Variants in N4BP2 observed in about 807,000 individuals in gnomAD.
N4BP2 encodes NEDD4 binding protein 2.
N4BP2 carries 91 observed loss-of-function variants against 152.8 expected under a neutral mutation model. The ratio of observed to expected loss-of-function variants is 0.60; its 90% CI spans 0.50 to 0.71. The LOEUF (loss-of-function observed/expected upper bound fraction) is 0.71. Ranked by LOEUF, N4BP2 falls within the 30% of genes least tolerant of loss-of-function variation. The pLI is 0.00. For synonymous variants in N4BP2, 646 were observed against 705.3 expected (o/e 0.92, Z 1.33); for missense variants, 1,923 against 2,059.1 (o/e 0.93, Z 1.28).
At chr4:40,088,122 T>C (rs1714160797) in intron 2 of N4BP2, among the ~76,000 whole-genome samples, 1 of 152,228 alleles carries the variant, frequency 6.6e-6, no homozygotes, top group Non-Finnish European at 1.5e-5. Context: ...GCATCAGTAA[T>C]ATGTTTTTAT....
At position 40,106,980 on chromosome 4, in the gene N4BP2, A is replaced by G. The variant is rs1431037111; in HGVS notation, c.1454A>G (p.Asp485Gly). 4 of 1,613,612 alleles carry G rather than the reference A, an allele frequency of 2.5e-6. No homozygotes were observed. Among genetic ancestry groups the G allele is most frequent in the East Asian group, 4.5e-5 (2 of 44,852 alleles). Residue 485 changes from aspartate (D) to glycine (G), a missense_variant, in exon 5 of 18, where the codon GAT becomes GGT. Transcript: ENST00000261435. Reference protein sequence around the residue: ...YFYINGQYQFDVKYLGEAHEW... With the variant: ...YFYINGQYQFGVKYLGEAHEW... ...TATATAAATGGACAGTACCAGTTTG[A>G]TGTAAAGTACTTAGGAGAAGCACAT...
chr4:40,077,136 A>AAT (rs537356538), intron 2 of N4BP2, among the ~76,000 whole-genome samples: 9 of 148,950 alleles, frequency 6.0e-5, no homozygotes, highest in African/African-American at 1.5e-4. Flanking sequence ...TATTATGTAG[A>AAT]ATATATATGT....
chr4:40,083,353 GA>G (rs1713596321), intron 2 of N4BP2, among the ~76,000 whole-genome samples: 1 of 152,120 alleles, frequency 6.6e-6, no homozygotes, highest in African/African-American at 2.4e-5. Context: ...TGAGAGATAT[GA>G]AAACATGTCC....
chr4:40,135,817 T>A (rs1410122128), intron 13 of N4BP2, among the ~76,000 whole-genome samples: 1 of 152,230 alleles, frequency 6.6e-6, no homozygotes, highest in Non-Finnish European at 1.5e-5. Context: ...TCCACCTGCC[T>A]CGGCCTCCCA....
At chr4:40,122,473 A>G (rs1455347855) in intron 9 of N4BP2, among the ~76,000 whole-genome samples, 164 bp downstream of exon 9, 1 of 152,176 alleles carries the variant, frequency 6.6e-6, no homozygotes, top group East Asian at 1.9e-4. Flanking sequence ...TCCCAGGTTC[A>G]AGTGATTCTC....
At chr4:40,122,743 T>G (rs1718050927) in intron 9 of N4BP2, among the ~76,000 whole-genome samples, 1 of 152,232 alleles carries the variant, frequency 6.6e-6, no homozygotes, top group Admixed American at 6.5e-5. Context: ...TGGTATTTAC[T>G]TCACACTTAA....
At chr4:40,078,112 A>AGT (rs1560574647) in intron 2 of N4BP2, 2 of 92,698 alleles carry the variant, frequency 2.2e-5, no homozygotes, top group Admixed American at 2.5e-4. Context: ...AATATTTCTA[A>AGT]ATGTGTGTGT....
chr4:40,180,901 C>T, the N4BP2 span, among the ~76,000 whole-genome samples: 678 of 152,308 alleles, frequency 4.5e-3, 3 homozygotes, highest in African/African-American at 0.015. Context: ...CCTGTAATCC[C>T]AGCACTTTGG....
intron 1 of N4BP2, among the ~76,000 whole-genome samples, chr4:40,063,006 G>A (rs531776590): frequency 7.9e-5 from 12 of 152,176 alleles, no homozygotes; most frequent in Non-Finnish European, 1.6e-4. Flanking sequence ...TATTGAAAGA[G>A]AATGAAATAG....
chr4:40,142,967 A>C, intron 15 of N4BP2, 106 bp downstream of exon 15: 1 of 883,738 alleles, frequency 1.1e-6, no homozygotes, highest in Non-Finnish European at 1.8e-6. Context: ...ATTCTGGGGA[A>C]TGTAGTAGTT....
At chr4:40,090,998 T>G (rs561376532) in intron 2 of N4BP2, among the ~76,000 whole-genome samples, 1 of 100,662 alleles carries the variant, frequency 9.9e-6, no homozygotes, top group Non-Finnish European at 1.9e-5. Context: ...ACTTAGTGTA[T>G]TTCTCTGTTT....
At chr4:40,072,691 C>T (rs564107423) in intron 1 of N4BP2, among the ~76,000 whole-genome samples, 10 of 151,836 alleles carry the variant, frequency 6.6e-5, no homozygotes, top group Admixed American at 3.9e-4. Context: ...CTACCACTCC[C>T]GGCCCCAGAT....
At chr4:40,126,460 A>C in intron 12 of N4BP2, 130 bp downstream of exon 12, 1 of 502,650 alleles carries the variant, frequency 2.0e-6, no homozygotes, top group Non-Finnish European at 3.4e-6. Flanking sequence ...TAATGTTAAA[A>C]TTGAAAAATA....
At chr4:40,139,587 G>T (rs1197320099) in intron 14 of N4BP2, among the ~76,000 whole-genome samples, 2 of 148,626 alleles carry the variant, frequency 1.3e-5, no homozygotes, top group East Asian at 4.0e-4. Context: ...TGCCCTCTGA[G>T]TTCAAGTGAT....
intron 8 of N4BP2, 90 bp from the exon 9 acceptor site, chr4:40,119,840 AAG>A (rs983752111): frequency 1.7e-6 from 1 of 601,558 alleles, no homozygotes; most frequent in African/African-American, 1.8e-5. Flanking sequence ...AATAACTGTT[AAG>A]TGCCCTGTCA....
intron 12 of N4BP2, among the ~76,000 whole-genome samples, chr4:40,127,242 A>G (rs1317665972): frequency 6.0e-5 from 9 of 150,690 alleles, no homozygotes; most frequent in Non-Finnish European, 7.4e-5. Flanking sequence ...TGTTTGAAAC[A>G]GGGTCTTGCT....
intron 13 of N4BP2, among the ~76,000 whole-genome samples, 181 bp from the exon 14 acceptor site, chr4:40,136,763 C>T (rs1413393121): frequency 6.6e-6 from 1 of 151,992 alleles, no homozygotes; most frequent in African/African-American, 2.4e-5. Context: ...TGATAGTTTC[C>T]TTCTGATTAT....
rs1263806401 is a variant in N4BP2 at position 40,102,992 on chromosome 4, G to C, written c.1147G>C (p.Val383Leu). The C allele has an allele frequency of 6.2e-7, 1 of 1,614,158 alleles. No individual in the cohort carries two copies. Residue 383 changes from valine to leucine, a missense_variant, in exon 4 of 18, where the codon GTT becomes CTT. Transcript: ENST00000261435. ...FQGNHGFVAP[V>L]VTTAAHWRSV... is the part of the protein sequence containing the mutation. ...AGGAAACCATGGCTTTGTAGCTCCT[G>C]TTGTAACCACAGCTGCACACTGGAG... is the stretch of plus-strand genomic sequence containing the variant.
At chr4:40,142,200 G>T in intron 14 of N4BP2, 1 of 239,658 alleles carries the variant, frequency 4.2e-6, no homozygotes. Flanking sequence ...TTCAGCCTCT[G>T]CACTTATTCT....
Sources: allele counts gnomAD v4.1 joint callset (sites outside exome capture counted in the v4.1 genomes callset), GRCh38; gene constraint gnomAD v4.1.1; transcripts MANE v1.5; gene names NCBI Gene and HGNC (gene_info 2026-07-23, HGNC 2026-07-21).